The following LRRC28 variants were observed in gnomAD, a reference collection of about 807,000 sequenced individuals.
LRRC28 encodes the protein leucine-rich repeat-containing protein 28.
Under a neutral mutation model 45.7 loss-of-function variants are expected in LRRC28, and 39 were observed. That is an observed-to-expected ratio of 0.85 (90% CI 0.66 to 1.12). The LOEUF is 1.12. Ranked by LOEUF, LRRC28 falls within the 50% of genes most tolerant of loss-of-function variation. LRRC28 has a pLI of 0.00. For synonymous variants in LRRC28, 206 were observed against 178.8 expected, an observed-to-expected ratio of 1.15 and a Z score of -1.22; for missense variants, 435 against 438.5, an observed-to-expected ratio of 0.99 and a Z score of 0.07.
At chr15:99,336,250 T>C (rs1011315553) in intron 6 of LRRC28, among the ~76,000 whole-genome samples, 1 of 152,224 alleles carries the variant, frequency 6.6e-6, no homozygotes, top group Non-Finnish European at 1.5e-5. Context: ...CAAAATCTAT[T>C]ATTATAAAAG....
chr15:99,347,488 T>C (rs1956730258), intron 6 of LRRC28, among the ~76,000 whole-genome samples: 2 of 152,246 alleles, frequency 1.3e-5, no homozygotes, highest in Non-Finnish European at 2.9e-5. Flanking sequence ...ATTACAGGCA[T>C]GGAGCTCTTT....
intron 5 of LRRC28, among the ~76,000 whole-genome samples, chr15:99,322,803 G>A (rs867677802): frequency 6.6e-6 from 1 of 152,248 alleles, no homozygotes; most frequent in South Asian, 2.1e-4. Context: ...AGGTGGGCAA[G>A]ACAATCCCTG....
chr15:99,342,408 A>C (rs1020021266), intron 6 of LRRC28, among the ~76,000 whole-genome samples: 5 of 152,190 alleles, frequency 3.3e-5, no homozygotes. Context: ...TTTCAATCCC[A>C]GCTCTACCAC....
chr15:99,259,061 A>C (rs2081113574), intron 2 of LRRC28: 1 of 948,728 alleles, frequency 1.1e-6, no homozygotes, highest in Admixed American at 1.7e-5. Flanking sequence ...ATACAATGAT[A>C]CTTTTTGGAA....
At chr15:99,254,686 C>T (rs769946455) in intron 1 of LRRC28, among the ~76,000 whole-genome samples, 7 of 152,194 alleles carry the variant, frequency 4.6e-5, no homozygotes, top group East Asian at 1.9e-4. Context: ...CCCTTGTGAA[C>T]GGTCTAACCT....
chr15:99,368,158 A>G (rs1957390424), intron 9 of LRRC28, among the ~76,000 whole-genome samples: 1 of 152,200 alleles, frequency 6.6e-6, no homozygotes, highest in African/African-American at 2.4e-5. Context: ...CCATGCCCAG[A>G]AAGTCCTAAA....
chr15:99,349,945 G>T (rs1293868944), intron 6 of LRRC28, among the ~76,000 whole-genome samples: 4 of 151,490 alleles, frequency 2.6e-5, no homozygotes, highest in Admixed American at 6.6e-5. Context: ...GACCATCCTG[G>T]CTAACAAGGT....
rs573657987 is a variant in LRRC28 at position 99,367,083 on chromosome 15, C to T, written c.1031+3818C>T. Among the ~76,000 whole-genome samples, 68 of 152,254 alleles carry T rather than the reference C, an allele frequency of 4.5e-4. 2 individuals are homozygous for T. In the South Asian group the frequency reaches 0.014, roughly 32 times the overall value. On this transcript the variant is annotated intron_variant, in intron 9 of 9. Transcript: ENST00000301981. ...TATCTTACTGGAGATAGCATTAGAT[C>T]CCACAGGTTAAGGGCTCAGTCCCAC...
intron 5 of LRRC28, chr15:99,333,655 GT>G: frequency 4.0e-6 from 2 of 496,370 alleles, no homozygotes; most frequent in Non-Finnish European, 7.3e-6. Context: ...CAGACTTCTG[GT>G]TCAGACTCAC....
intron 6 of LRRC28, among the ~76,000 whole-genome samples, chr15:99,338,672 A>T (rs1217180410): frequency 1.3e-5 from 2 of 152,186 alleles, no homozygotes; most frequent in African/African-American, 2.4e-5. Flanking sequence ...AAGAAGTGTG[A>T]TTTAGGAGAA....
At chr15:99,345,329 G>A (rs1320874197) in intron 6 of LRRC28, among the ~76,000 whole-genome samples, 1 of 152,070 alleles carries the variant, frequency 6.6e-6, no homozygotes, top group Non-Finnish European at 1.5e-5. Flanking sequence ...TCTGAGACCA[G>A]AGATCATTTG....
intron 9 of LRRC28, among the ~76,000 whole-genome samples, chr15:99,373,386 T>G (rs1341185615): frequency 6.6e-6 from 1 of 152,124 alleles, no homozygotes; most frequent in African/African-American, 2.4e-5. Context: ...TTTTAAAATT[T>G]TTTTCATTTC....
At chr15:99,330,655 T>C (rs1184987904) in intron 5 of LRRC28, among the ~76,000 whole-genome samples, 1 of 152,188 alleles carries the variant, frequency 6.6e-6, no homozygotes, top group Non-Finnish European at 1.5e-5. Context: ...ATATTGTTTT[T>C]TATGCGGTTG....
intron 9 of LRRC28, among the ~76,000 whole-genome samples, chr15:99,378,117 T>C (rs1957700328): frequency 6.6e-6 from 1 of 152,232 alleles, no homozygotes; most frequent in African/African-American, 2.4e-5. Context: ...GCATTGAATC[T>C]ATAAATTACC....
intron 3 of LRRC28, chr15:99,284,820 G>C: frequency 5.5e-6 from 3 of 547,138 alleles, no homozygotes; most frequent in South Asian, 4.1e-5. Context: ...ACCACTTCCA[G>C]AATTGCTTCC....
At chr15:99,338,921 C>T (rs1412282440) in intron 6 of LRRC28, among the ~76,000 whole-genome samples, 1 of 152,196 alleles carries the variant, frequency 6.6e-6, no homozygotes, top group African/African-American at 2.4e-5. Flanking sequence ...CCTATTATTA[C>T]TATGCCATCA....
At chr15:99,315,651 A>G (rs748599735) in intron 5 of LRRC28, among the ~76,000 whole-genome samples, 4 of 152,158 alleles carry the variant, frequency 2.6e-5, no homozygotes, top group Non-Finnish European at 4.4e-5. Flanking sequence ...AGCTAATGCT[A>G]TTTTATGGGT....
intron 5 of LRRC28, among the ~76,000 whole-genome samples, chr15:99,289,715 T>C (rs925217176): frequency 8.8e-5 from 12 of 136,790 alleles, no homozygotes; most frequent in South Asian, 2.4e-4. Context: ...GGGTGGATCA[T>C]GAGGTCAGGA....
At chr15:99,315,435 G>A (rs1322299408) in intron 5 of LRRC28, among the ~76,000 whole-genome samples, 1 of 152,118 alleles carries the variant, frequency 6.6e-6, no homozygotes, top group Non-Finnish European at 1.5e-5. Context: ...CCAGTGGAAA[G>A]TCACTACTAC....
Sources: allele counts gnomAD v4.1 joint callset (sites outside exome capture counted in the v4.1 genomes callset), GRCh38; gene constraint gnomAD v4.1.1; transcripts MANE v1.5; gene names NCBI Gene and HGNC (gene_info 2026-07-23, HGNC 2026-07-21).